The following ANKS1B variants were observed in gnomAD, a reference collection of about 807,000 sequenced individuals.
ANKS1B encodes ankyrin repeat and sterile alpha motif domain containing 1B, also known as ankyrin repeat and sterile alpha motif domain-containing protein 1B.
In ANKS1B, 36 loss-of-function variants were observed where a neutral mutation model predicts 148.3. The ratio of observed to expected loss-of-function variants is 0.24; its 90% confidence interval spans 0.19 to 0.32. The LOEUF (loss-of-function observed/expected upper bound fraction) is 0.32. Among genes scored for constraint, ANKS1B ranks in the 10% least tolerant of loss-of-function variants. The probability of loss-of-function intolerance (pLI) is 1.00; values close to 1 mark genes in which losing one functional copy is unlikely to be tolerated. For synonymous variants in ANKS1B, 542 were observed against 560.8 expected, an observed-to-expected ratio of 0.97 and a Z score of 0.47; for missense variants, 1,157 against 1,542.6, an observed-to-expected ratio of 0.75 and a Z score of 4.19.
intron 1 of ANKS1B, among the ~76,000 whole-genome samples, chr12:99,971,269 T>C (rs998556528): frequency 3.9e-5 from 6 of 152,216 alleles, no homozygotes; most frequent in African/African-American, 1.2e-4. Flanking sequence ...ACCTTCAGGA[T>C]GACAGACCAC....
chr12:99,186,118 C>T (rs1039587286), intron 14 of ANKS1B, among the ~76,000 whole-genome samples: 4 of 152,158 alleles, frequency 2.6e-5, no homozygotes, highest in Admixed American at 1.3e-4. Context: ...CAAAACAAAG[C>T]TACAGGAAGT....
intron 11 of ANKS1B, among the ~76,000 whole-genome samples, chr12:99,421,963 G>A (rs1326607920): frequency 1.3e-5 from 2 of 152,128 alleles, no homozygotes; most frequent in East Asian, 1.9e-4. Flanking sequence ...GCCATGTGAT[G>A]TGCCTGCTTG....
intron 12 of ANKS1B, among the ~76,000 whole-genome samples, chr12:99,377,657 G>A (rs978978625): frequency 6.6e-6 from 1 of 152,194 alleles, no homozygotes; most frequent in African/African-American, 2.4e-5. Context: ...TTAAGAAAAA[G>A]AGTGTATATT....
At chr12:99,449,608 G>C (rs1783021041) in intron 10 of ANKS1B, among the ~76,000 whole-genome samples, 1 of 151,926 alleles carries the variant, frequency 6.6e-6, no homozygotes, top group African/African-American at 2.4e-5. Flanking sequence ...ACATAATAGG[G>C]GTTTTCAGTA....
In ANKS1B at chr12:98,829,812, A is replaced by T. The variant is rs1170655911; in HGVS notation, c.2887-459T>A. 6.6e-6 allele frequency among the ~76,000 whole-genome samples: 1 copy of T among 152,240 alleles called. No individual in the cohort carries two copies. Among genetic ancestry groups the T allele is most frequent in the Admixed American group, 6.5e-5 (1 of 15,290 alleles). ...GTTGGGAAGAGGACACAGTACGGCA[A>T]CACAGCATGTCACACGCACAGACTG... On this transcript the variant is annotated intron_variant, in intron 18 of 26. Coordinates refer to ENST00000683438, the MANE Select transcript of ANKS1B (RefSeq NM_001352186.2). The surrounding 1 kb of genome is among the most constrained non-coding windows in gnomAD (Gnocchi z 5.2).
At chr12:99,180,795 C>A (rs542769352) in intron 14 of ANKS1B, among the ~76,000 whole-genome samples, 37 of 152,078 alleles carry the variant, frequency 2.4e-4, no homozygotes, top group Non-Finnish European at 5.1e-4. Context: ...CTACTTTGAA[C>A]TGAAGGACAC....
intron 9 of ANKS1B, among the ~76,000 whole-genome samples, chr12:99,530,002 A>C (rs1285641471): frequency 6.6e-6 from 1 of 152,220 alleles, no homozygotes; most frequent in Non-Finnish European, 1.5e-5. Context: ...GGGTTCAAGA[A>C]ACCAACCAGA....
At chr12:99,146,452 A>T (rs1601011517) in intron 15 of ANKS1B, among the ~76,000 whole-genome samples, 1 of 152,114 alleles carries the variant, frequency 6.6e-6, no homozygotes, top group Admixed American at 6.5e-5. Context: ...TTAGGTGAAG[A>T]AGGAAGAAAA....
intron 17 of ANKS1B, among the ~76,000 whole-genome samples, chr12:98,868,623 C>T (rs2099637561): frequency 6.6e-6 from 1 of 152,212 alleles, no homozygotes; most frequent in South Asian, 2.1e-4. Flanking sequence ...AATGTGTTGA[C>T]TATCTTTTGG....
chr12:99,287,082 T>G (rs1251866179), intron 12 of ANKS1B, among the ~76,000 whole-genome samples: 1 of 150,582 alleles, frequency 6.6e-6, no homozygotes, highest in African/African-American at 2.5e-5. Flanking sequence ...AGTGGACACC[T>G]CAGGACATTG....
intron 10 of ANKS1B, among the ~76,000 whole-genome samples, chr12:99,460,425 T>G (rs550703992): frequency 3.7e-4 from 56 of 152,110 alleles, no homozygotes; most frequent in Admixed American, 3.5e-3. Context: ...GGGACTTAAT[T>G]AAACTAAAAA....
intron 17 of ANKS1B, among the ~76,000 whole-genome samples, chr12:98,962,972 A>C (rs187515277): frequency 6.6e-6 from 1 of 152,300 alleles, no homozygotes; most frequent in Admixed American, 6.5e-5. Context: ...TTATAGCTAT[A>C]AGTGCCTACA....
At chr12:99,941,517 CAGTT>C (rs1485229368) in intron 1 of ANKS1B, among the ~76,000 whole-genome samples, 10 of 151,920 alleles carry the variant, frequency 6.6e-5, no homozygotes, top group African/African-American at 2.2e-4. Flanking sequence ...ATAGAACAAT[CAGTT>C]AGTTATCCAT....
intron 14 of ANKS1B, among the ~76,000 whole-genome samples, chr12:99,208,179 A>C (rs563473473): frequency 5.3e-4 from 81 of 152,164 alleles, no homozygotes; most frequent in Middle Eastern, 3.4e-3. Context: ...TATTGTCTTT[A>C]TTAGGTCTTT....
At chr12:99,502,924 C>T (rs11829437) in intron 10 of ANKS1B, among the ~76,000 whole-genome samples, 3,439 of 152,138 alleles carry the variant, frequency 0.023, 137 homozygotes, top group African/African-American at 0.08. Flanking sequence ...CGTATAATGG[C>T]TTTTCTGAAT....
intron 8 of ANKS1B, 95 bp downstream of exon 8, chr12:99,772,827 A>C: frequency 8.0e-7 from 1 of 1,252,876 alleles, no homozygotes. Context: ...AGAGTGGCGG[A>C]ATCTGATAAT....
chr12:99,196,087 G>A (rs557352360), intron 14 of ANKS1B, among the ~76,000 whole-genome samples: 5 of 152,190 alleles, frequency 3.3e-5, no homozygotes, highest in Admixed American at 6.5e-5. Flanking sequence ...GAAGAGAATC[G>A]TCAAATTGTC....
At chr12:99,196,939 AG>A (rs1336177773) in intron 14 of ANKS1B, among the ~76,000 whole-genome samples, 1 of 152,146 alleles carries the variant, frequency 6.6e-6, no homozygotes, top group Non-Finnish European at 1.5e-5. Flanking sequence ...CAGGGATGAG[AG>A]GGCAGGGCCA....
chr12:99,249,695 C>T (rs2074319949), intron 12 of ANKS1B, among the ~76,000 whole-genome samples: 2 of 152,200 alleles, frequency 1.3e-5, no homozygotes, highest in Non-Finnish European at 2.9e-5. Flanking sequence ...CAGCTCCCTG[C>T]AGACACAGCC....
Sources: allele counts gnomAD v4.1 joint callset (sites outside exome capture counted in the v4.1 genomes callset), GRCh38; gene constraint gnomAD v4.1.1; non-coding constraint Gnocchi (gnomAD v3.1); transcripts MANE v1.5; gene names NCBI Gene and HGNC (gene_info 2026-07-23, HGNC 2026-07-21).